ZNF385D: variants seen among roughly 807,000 people sequenced by gnomAD.
ZNF385D encodes the protein zinc finger protein 385D.
ZNF385D carries 15 observed loss-of-function variants against 35.8 expected under a neutral mutation model. That is an observed-to-expected ratio of 0.42 (90% confidence interval 0.28 to 0.64). The LOEUF (loss-of-function observed/expected upper bound fraction) is 0.64, where lower values mean the gene tolerates loss of function less well. ZNF385D is among the 30% of genes least tolerant of loss of function. The probability of loss-of-function intolerance (pLI) is 0.23; values close to 1 mark genes in which losing one functional copy is unlikely to be tolerated. For synonymous variants in ZNF385D, 212 were observed against 186.8 expected (o/e 1.13, Z -1.10); for missense variants, 474 against 494.6 (o/e 0.96, Z 0.39).
chr3:22,027,836 C>G (rs1029566322), intron 3 of ZNF385D, among the ~76,000 whole-genome samples: 3 of 152,178 alleles, frequency 2.0e-5, no homozygotes, highest in Admixed American at 1.3e-4. Context: ...ATGGGGGGTT[C>G]TCTATGATCA....
intron 2 of ZNF385D, among the ~76,000 whole-genome samples, chr3:22,296,798 G>C (rs1162843456): frequency 1.3e-5 from 2 of 152,140 alleles, no homozygotes; most frequent in African/African-American, 4.8e-5. Flanking sequence ...CTTGAGCATG[G>C]TGGTTGGCTT....
chr3:22,105,600 G>C (rs1272015041), intron 3 of ZNF385D, among the ~76,000 whole-genome samples: 5 of 152,062 alleles, frequency 3.3e-5, no homozygotes, highest in African/African-American at 1.2e-4. Context: ...GTAGATCACA[G>C]TTCAGGTCTG....
chr3:21,854,919 G>T (rs4361298), intron 3 of ZNF385D, among the ~76,000 whole-genome samples: 5,813 of 151,952 alleles, frequency 0.038, 380 homozygotes, highest in African/African-American at 0.13. Flanking sequence ...TATAATTAAT[G>T]TCTTCATTAA....
At chr3:22,181,221 T>A (rs1335104414) in intron 2 of ZNF385D, among the ~76,000 whole-genome samples, 1 of 152,134 alleles carries the variant, frequency 6.6e-6, no homozygotes, top group Non-Finnish European at 1.5e-5. Context: ...ATTCAGGATA[T>A]CTTCAGGCTA....
intron 1 of ZNF385D, among the ~76,000 whole-genome samples, chr3:21,715,277 T>G (rs1009847293): frequency 6.6e-6 from 1 of 152,174 alleles, no homozygotes; most frequent in Non-Finnish European, 1.5e-5. Context: ...CCATTGTCTA[T>G]CATTCCACTC....
At chr3:21,542,413 T>C (rs2062204767) in intron 3 of ZNF385D, among the ~76,000 whole-genome samples, 2 of 151,070 alleles carry the variant, frequency 1.3e-5, no homozygotes, top group African/African-American at 2.4e-5. Context: ...GGTGGTGTGA[T>C]CAGTACCCAT....
chr3:21,861,550 T>C (rs9310663), intron 3 of ZNF385D, among the ~76,000 whole-genome samples: 1 of 152,086 alleles, frequency 6.6e-6, no homozygotes, highest in Non-Finnish European at 1.5e-5. Flanking sequence ...TCTGAAACTG[T>C]TGAACACTAA....
chr3:21,908,920 G>A (rs538942875), intron 3 of ZNF385D, among the ~76,000 whole-genome samples: 6 of 152,056 alleles, frequency 3.9e-5, no homozygotes, highest in African/African-American at 1.2e-4. Flanking sequence ...TTTTTTCAAT[G>A]TGTTAGCTCT....
chr3:22,311,892 G>A (rs1703574686), intron 2 of ZNF385D, among the ~76,000 whole-genome samples: 1 of 152,054 alleles, frequency 6.6e-6, no homozygotes, highest in Non-Finnish European at 1.5e-5. Context: ...TTGTCAAGTG[G>A]CATACTTGCC....
chr3:21,510,296 TAAAA>T (rs1046414749), intron 4 of ZNF385D, among the ~76,000 whole-genome samples: 2 of 152,094 alleles, frequency 1.3e-5, no homozygotes, highest in Non-Finnish European at 2.9e-5. Flanking sequence ...AAGCCTCTGT[TAAAA>T]AGAGTAATTG....
At chr3:21,857,823 G>A (rs1465418832) in intron 3 of ZNF385D, among the ~76,000 whole-genome samples, 1 of 151,774 alleles carries the variant, frequency 6.6e-6, no homozygotes, top group Non-Finnish European at 1.5e-5. Flanking sequence ...ATAGAGCCAA[G>A]CAGAGGAGGA....
chr3:22,006,958 A>G (rs1226805557), intron 3 of ZNF385D, among the ~76,000 whole-genome samples: 2 of 152,070 alleles, frequency 1.3e-5, no homozygotes, highest in Non-Finnish European at 2.9e-5. Context: ...AAGTCATTTA[A>G]TATAGACATC....
At chr3:21,917,490 G>C (rs1470508711) in intron 3 of ZNF385D, among the ~76,000 whole-genome samples, 1 of 152,178 alleles carries the variant, frequency 6.6e-6, no homozygotes, top group East Asian at 1.9e-4. Context: ...TTCTGATAAA[G>C]ATGAAGGACT....
chr3:21,553,743 C>G lies in ZNF385D; in HGVS notation c.276+10831G>C, dbSNP rs2062640788. ...CTCTGTCAATTAGGTTTATATAATACTCTAAATTCTTTGTTGTCATTTCAA... is the reference window on the plus strand; with the variant it reads ...CTCTGTCAATTAGGTTTATATAATAGTCTAAATTCTTTGTTGTCATTTCAA... On this transcript the variant is annotated intron_variant, in intron 3 of 7. Transcript: ENST00000281523. Among the ~76,000 whole-genome samples the G allele has an allele frequency of 2.0e-5, 3 of 152,154 alleles. No individual in the cohort carries two copies. The South Asian group carries it at 6.2e-4, about 32-fold the overall frequency.
intron 3 of ZNF385D, among the ~76,000 whole-genome samples, chr3:22,074,927 G>A (rs1700393269): frequency 6.6e-6 from 1 of 151,802 alleles, no homozygotes; most frequent in African/African-American, 2.4e-5. Flanking sequence ...CCATCACCAA[G>A]AAACCTGAAT....
intron 1 of ZNF385D, among the ~76,000 whole-genome samples, chr3:21,728,432 A>G (rs116022498): frequency 0.013 from 2,007 of 152,244 alleles, 38 homozygotes; most frequent in African/African-American, 0.045. Flanking sequence ...GACCTGTGTG[A>G]CAGCATTGCA....
intron 3 of ZNF385D, among the ~76,000 whole-genome samples, chr3:21,974,556 G>A (rs535790852): frequency 2.0e-5 from 3 of 152,090 alleles, no homozygotes; most frequent in East Asian, 1.9e-4. Flanking sequence ...AGCAACCAAA[G>A]CAAAAATGGA....
At chr3:22,022,739 T>C (rs1168659141) in intron 3 of ZNF385D, among the ~76,000 whole-genome samples, 1 of 152,008 alleles carries the variant, frequency 6.6e-6, no homozygotes, top group Non-Finnish European at 1.5e-5. Flanking sequence ...AGACCAGAAA[T>C]TGAGATGGAA....
intron 1 of ZNF385D, 138 bp downstream of exon 1, chr3:21,750,757 G>A: frequency 7.0e-6 from 7 of 996,500 alleles, no homozygotes; most frequent in East Asian, 2.6e-5. Flanking sequence ...AGGCTGCACC[G>A]GCTTGGTCCT....
Sources: gnomAD v4.1 joint callset for allele counts (sites outside exome capture counted in the v4.1 genomes callset) on GRCh38, gnomAD v4.1.1 for gene constraint, MANE v1.5 for transcripts, NCBI Gene and HGNC (gene_info 2026-07-23, HGNC 2026-07-21) for gene names.